Variants in MYZAP observed in about 807,000 individuals in gnomAD.
MYZAP encodes myocardial zonula adherens protein.
A neutral mutation model predicts 69.4 loss-of-function variants in MYZAP; 66 were observed. That is an observed-to-expected ratio of 0.95 (90% CI 0.78 to 1.17). The LOEUF (loss-of-function observed/expected upper bound fraction) is 1.17, where lower values mean the gene tolerates loss of function less well. MYZAP is among the 50% of genes most tolerant of loss of function. The probability of loss-of-function intolerance (pLI) is 0.00; values close to 1 mark genes in which losing one functional copy is unlikely to be tolerated. For synonymous variants in MYZAP, 256 were observed against 205.9 expected, an observed-to-expected ratio of 1.24 and a Z score of -2.09; for missense variants, 611 against 556.2, an observed-to-expected ratio of 1.10 and a Z score of -0.99.
rs780242925 is a variant in MYZAP, at chr15:57,592,026, C to T, written c.-9C>T. The stretch of plus-strand genomic sequence containing the variant: ...CGGCGTCCAGCCCGCTACCGACCGC[C>T]GCTGCGGGATGCTGCGCTCCACGTC... On this transcript the variant is annotated 5_prime_UTR_variant, in exon 1 of 13. Transcript: ENST00000267853. 7.0e-7 allele frequency: 1 copy of T among 1,435,936 alleles called. No homozygotes were observed. The highest frequency in any genetic ancestry group is 9.1e-7 in the Non-Finnish European group (1 of 1,098,944). 88.9% of individuals were successfully genotyped at this position (1,435,936 alleles called of 1,614,324 possible).
intron 6 of MYZAP, 117 bp downstream of exon 6, chr15:57,629,971 A>ATTTTTTTTTTTTTTTTTTTTTTT (rs59322468): frequency 2.6e-6 from 2 of 758,740 alleles, no homozygotes; most frequent in African/African-American, 4.8e-5. Flanking sequence ...TCTTCATTGG[A>ATTTTTTTTTTTTTTTTTTTTTTT]TTTTTTTTTT....
At chr15:57,683,107 C>T (rs1343494515) in intron 12 of MYZAP, among the ~76,000 whole-genome samples, 1 of 152,146 alleles carries the variant, frequency 6.6e-6, no homozygotes, top group Non-Finnish European at 1.5e-5. Flanking sequence ...ACAGTGGAAG[C>T]TGTTACCACC....
intron 11 of MYZAP, among the ~76,000 whole-genome samples, chr15:57,673,008 C>A (rs1173912415): frequency 6.6e-6 from 1 of 152,200 alleles, no homozygotes; most frequent in African/African-American, 2.4e-5. Flanking sequence ...ATTTCTTTAA[C>A]TTCTAACTCT....
At chr15:57,632,684 T>C (rs1837011484) in intron 7 of MYZAP, 125 bp downstream of exon 7, 2 of 1,467,152 alleles carry the variant, frequency 1.4e-6, no homozygotes, top group Admixed American at 4.3e-5. Context: ...GGGTAAGGGA[T>C]CAAGGAATTA....
chr15:57,611,142 G>A (rs1456310360), intron 2 of MYZAP, among the ~76,000 whole-genome samples: 2 of 152,086 alleles, frequency 1.3e-5, no homozygotes, highest in Non-Finnish European at 2.9e-5. Context: ...GTTTTATTCT[G>A]TGTATTCTTT....
chr15:57,601,873 T>A (rs182858771), intron 1 of MYZAP, among the ~76,000 whole-genome samples: 107 of 152,266 alleles, frequency 7.0e-4, no homozygotes, highest in African/African-American at 2.5e-3. Context: ...GTAGAAATTC[T>A]GGTGTAAGCT....
chr15:57,633,764 T>C (rs768117859), intron 8 of MYZAP, 23 bp downstream of exon 8: 1 of 1,502,914 alleles, frequency 6.7e-7, no homozygotes, highest in Non-Finnish European at 8.9e-7. Flanking sequence ...GTTGGGCCTA[T>C]TGCCCACTTG....
At chr15:57,675,248 G>T (rs1245918459) in intron 12 of MYZAP, among the ~76,000 whole-genome samples, 180 bp downstream of exon 12, 1 of 152,200 alleles carries the variant, frequency 6.6e-6, no homozygotes, top group Non-Finnish European at 1.5e-5. Context: ...ATTGTGCAGG[G>T]TGGAGGGGTC....
chr15:57,650,397 G>C (rs2037669968), intron 10 of MYZAP, among the ~76,000 whole-genome samples: 1 of 152,136 alleles, frequency 6.6e-6, no homozygotes, highest in South Asian at 2.1e-4. Context: ...ATGAGTTCCT[G>C]CTCTCAGAGG....
At chr15:57,639,653 G>A in intron 10 of MYZAP, 108 bp downstream of exon 10, 1 of 1,292,880 alleles carries the variant, frequency 7.7e-7, no homozygotes, top group South Asian at 1.4e-5. Flanking sequence ...CACAAGCCGA[G>A]GTGCTCAGGC....
chr15:57,602,092 T>C (rs1223676255), intron 1 of MYZAP, among the ~76,000 whole-genome samples: 1 of 152,026 alleles, frequency 6.6e-6, no homozygotes, highest in Non-Finnish European at 1.5e-5. Flanking sequence ...ATTTTTGACA[T>C]TCCCTCTAGC....
chr15:57,606,583 T>TGGGGGGA (rs1253054028), intron 2 of MYZAP, among the ~76,000 whole-genome samples: 1 of 23,272 alleles, frequency 4.3e-5, no homozygotes, highest in Non-Finnish European at 7.9e-5. Context: ...TATTGTGGGA[T>TGGGGGGA]GGGGGGAGGG....
chr15:57,636,194 TA>T (rs559695770), intron 8 of MYZAP, among the ~76,000 whole-genome samples: 108 of 152,224 alleles, frequency 7.1e-4, no homozygotes, highest in Middle Eastern at 6.8e-3. Context: ...TTATCACTGT[TA>T]TTTCGGGGCT....
At chr15:57,635,652 A>G (rs2036775022) in intron 8 of MYZAP, among the ~76,000 whole-genome samples, 1 of 152,226 alleles carries the variant, frequency 6.6e-6, no homozygotes, top group African/African-American at 2.4e-5. Flanking sequence ...TATTTATTGA[A>G]CTAACATTAG....
chr15:57,594,206 C>T (rs866880069), intron 1 of MYZAP, among the ~76,000 whole-genome samples: 1 of 152,204 alleles, frequency 6.6e-6, no homozygotes, highest in Admixed American at 6.5e-5. Flanking sequence ...GCCTCCACCT[C>T]CCAGGTTCAA....
intron 5 of MYZAP, among the ~76,000 whole-genome samples, chr15:57,626,124 C>T (rs986595137): frequency 2.0e-5 from 3 of 152,116 alleles, no homozygotes; most frequent in South Asian, 2.1e-4. Flanking sequence ...ATTTAGACCC[C>T]GAGTTTAGTG....
intron 10 of MYZAP, among the ~76,000 whole-genome samples, chr15:57,641,464 A>C (rs2037154209): frequency 6.6e-6 from 1 of 152,174 alleles, no homozygotes; most frequent in African/African-American, 2.4e-5. Flanking sequence ...ATCACTGTCC[A>C]TGCTTTGCTT....
chr15:57,604,985 C>G (rs1422133743), intron 2 of MYZAP, among the ~76,000 whole-genome samples: 1 of 152,194 alleles, frequency 6.6e-6, no homozygotes, highest in African/African-American at 2.4e-5. Flanking sequence ...ATGACGGAAT[C>G]TGGGAACACA....
At chr15:57,632,396 C>T (rs746002760) in intron 6 of MYZAP, 38 bp from the exon 7 acceptor site, 1 of 1,613,398 alleles carries the variant, frequency 6.2e-7, no homozygotes, top group East Asian at 2.2e-5. Context: ...CCTCTGGGCC[C>T]TGCAAAAGCT....
Sources: gnomAD v4.1 joint callset for allele counts (sites outside exome capture counted in the v4.1 genomes callset) on GRCh38, gnomAD v4.1.1 for gene constraint, MANE v1.5 for transcripts, NCBI Gene and HGNC (gene_info 2026-07-23, HGNC 2026-07-21) for gene names.